C10orf90: variants seen among roughly 807,000 people sequenced by gnomAD.
The protein encoded by C10orf90 is chromosome 10 open reading frame 90.
C10orf90 carries 56 observed loss-of-function variants against 62.5 expected under a neutral mutation model. The ratio of observed to expected loss-of-function variants is 0.90; its 90% CI spans 0.72 to 1.12. The LOEUF (loss-of-function observed/expected upper bound fraction) is 1.12, where lower values mean the gene tolerates loss of function less well. C10orf90 is among the 50% of genes most tolerant of loss of function. The pLI is 0.00. For synonymous variants in C10orf90, 386 were observed against 340.4 expected, an observed-to-expected ratio of 1.13 and a Z score of -1.47; for missense variants, 970 against 880.4, an observed-to-expected ratio of 1.10 and a Z score of -1.29.
At chr10:126,602,770 T>G (rs898593523) in intron 2 of C10orf90, among the ~76,000 whole-genome samples, 1 of 151,976 alleles carries the variant, frequency 6.6e-6, no homozygotes, top group Non-Finnish European at 1.5e-5. Context: ...TTTTTTTTTT[T>G]TTTTGGTCTT....
chr10:126,492,407 G>A (rs751084302), intron 4 of C10orf90, among the ~76,000 whole-genome samples: 1 of 152,282 alleles, frequency 6.6e-6, no homozygotes, highest in East Asian at 1.9e-4. Context: ...GATGTACTGT[G>A]GTTATGTAAG....
intron 2 of C10orf90, among the ~76,000 whole-genome samples, chr10:126,547,711 T>A (rs1456052911): frequency 6.6e-6 from 1 of 151,950 alleles, no homozygotes; most frequent in East Asian, 1.9e-4. Context: ...ATGAAAATAT[T>A]AGAATTTTAA....
At chr10:126,485,617 C>T (rs992963407) in intron 4 of C10orf90, among the ~76,000 whole-genome samples, 2 of 151,948 alleles carry the variant, frequency 1.3e-5, no homozygotes, top group Non-Finnish European at 2.9e-5. Context: ...CTAGATATCA[C>T]AAAAATTCTT....
chr10:126,637,290 T>C (rs894142563), intron 2 of C10orf90, among the ~76,000 whole-genome samples: 2 of 152,170 alleles, frequency 1.3e-5, no homozygotes, highest in African/African-American at 4.8e-5. Flanking sequence ...CAAAGTCCTA[T>C]TGATGTCTGC....
intron 2 of C10orf90, among the ~76,000 whole-genome samples, chr10:126,574,937 C>T (rs2134007997): frequency 6.6e-6 from 1 of 152,180 alleles, no homozygotes; most frequent in African/African-American, 2.4e-5. Flanking sequence ...AGCTTTCCCT[C>T]TGAGCTTCAG....
Position 126,528,585 on chromosome 10 carries a change from A to T in C10orf90, c.314-14646T>A, listed in dbSNP as rs570102012. On this transcript the variant is annotated intron_variant, in intron 2 of 9. Coordinates refer to ENST00000488181, the MANE Select transcript of C10orf90 (RefSeq NM_001350921.2). ...TCTATTTAGAGGTCAGCAATTCTGC[A>T]GTGGCAATACCCAGCTGGACCGTGA... Among the ~76,000 whole-genome samples, 57 of 152,356 alleles carry T rather than the reference A, an allele frequency of 3.7e-4. 1 individual carries two copies. The highest frequency in any genetic ancestry group is 1.1e-3 in the African/African-American group (46 of 41,584).
chr10:126,524,269 G>A (rs967929043), intron 2 of C10orf90, among the ~76,000 whole-genome samples: 2 of 152,172 alleles, frequency 1.3e-5, no homozygotes, highest in Admixed American at 1.3e-4. Context: ...TGCAGAGGGA[G>A]GAGGATATAA....
chr10:126,505,132 A>G, intron 3 of C10orf90, 47 bp from the exon 4 acceptor site: 5 of 1,547,818 alleles, frequency 3.2e-6, no homozygotes, highest in Non-Finnish European at 4.3e-6. Flanking sequence ...CTATTGAAAT[A>G]TAGACAGTAA....
rs148312578 is a variant in C10orf90 at position 126,504,583 on chromosome 10, C to T, written c.908G>A (p.Arg303Gln). ...AGTGTGGGCCTCGGGAACCTTCAGC[C>T]GCACCACGGAGCTGTTTCTGGAGAA... ...TEFSRNSSVVRLKVPEAHTGL... is the reference protein window; with the variant it reads ...TEFSRNSSVVQLKVPEAHTGL... Residue 303 changes from arginine to glutamine, a missense_variant, in exon 4 of 10, where the codon CGG (arginine) becomes CAG (glutamine). By Grantham distance (43) the Arg-to-Gln change is conservative (BLOSUM62 1). Transcript: ENST00000488181. This position sits in a 1 kb window ranked among gnomAD's most constrained non-coding sequence, Gnocchi z 4.1. 16 of 1,614,008 alleles carry T rather than the reference C, an allele frequency of 9.9e-6. No individual in the cohort carries two copies. The African/African-American group carries it at 1.3e-4, about 13-fold the overall frequency.
intron 2 of C10orf90, among the ~76,000 whole-genome samples, chr10:126,577,160 C>G (rs1257448916): frequency 6.6e-6 from 1 of 151,698 alleles, no homozygotes; most frequent in Non-Finnish European, 1.5e-5. Context: ...ACTCCCAGTA[C>G]AAAGAAATGA....
Position 126,573,473 on chromosome 10 carries a change from TCTC to T in C10orf90, c.314-59537_314-59535del, listed in dbSNP as rs1844549751. ...GGGCATAAGACAATATGAAGGGTTG[TCTC>T]CTCCTTTAACTTTACAGACTCGCCA... On this transcript the variant is annotated intron_variant, in intron 2 of 9. Coordinates refer to ENST00000488181, the MANE Select transcript of C10orf90 (RefSeq NM_001350921.2). Among the ~76,000 whole-genome samples, 4 of 152,288 alleles carry T rather than the reference TCTC, an allele frequency of 2.6e-5. No homozygotes were observed. The South Asian group carries it at 6.2e-4, about 24-fold the overall frequency.
intron 4 of C10orf90, chr10:126,496,569 A>T: frequency 1.9e-5 from 14 of 727,508 alleles, no homozygotes; most frequent in Non-Finnish European, 2.4e-5. Context: ...AAAGGGAAAC[A>T]ATATTTTGAG....
intron 2 of C10orf90, among the ~76,000 whole-genome samples, chr10:126,632,572 C>T (rs1030892503): frequency 9.9e-5 from 15 of 151,992 alleles, no homozygotes; most frequent in African/African-American, 2.9e-4. Flanking sequence ...CAGTGAATTG[C>T]TGGGTGTGGA....
chr10:126,610,518 C>G (rs758685633), intron 2 of C10orf90, among the ~76,000 whole-genome samples: 1 of 152,208 alleles, frequency 6.6e-6, no homozygotes, highest in Non-Finnish European at 1.5e-5. Flanking sequence ...TACCATAGAT[C>G]CAATGCCTCA....
At chr10:126,492,357 A>G (rs1414002611) in intron 4 of C10orf90, among the ~76,000 whole-genome samples, 2 of 152,184 alleles carry the variant, frequency 1.3e-5, no homozygotes, top group Non-Finnish European at 2.9e-5. Context: ...CCAGCCCACA[A>G]TGTGAATAGC....
chr10:126,566,143 A>T (rs764518368), intron 2 of C10orf90, among the ~76,000 whole-genome samples: 1 of 152,184 alleles, frequency 6.6e-6, no homozygotes, highest in African/African-American at 2.4e-5. Flanking sequence ...ATAACCTTGG[A>T]TAAATTATTT....
chr10:126,638,122 G>A (rs1432997577), intron 2 of C10orf90, among the ~76,000 whole-genome samples: 3 of 152,148 alleles, frequency 2.0e-5, no homozygotes, highest in South Asian at 2.1e-4. Flanking sequence ...GAGCGATGGC[G>A]GGCTCTAGGT....
At chr10:126,550,942 T>C (rs1864617405) in intron 2 of C10orf90, among the ~76,000 whole-genome samples, 1 of 152,228 alleles carries the variant, frequency 6.6e-6, no homozygotes. Context: ...TTCTGTGTTT[T>C]CTCCCTCTGA....
At chr10:126,544,732 A>C (rs1369096862) in intron 2 of C10orf90, among the ~76,000 whole-genome samples, 1 of 152,182 alleles carries the variant, frequency 6.6e-6, no homozygotes, top group Admixed American at 6.5e-5. Flanking sequence ...AGGTGAGTGA[A>C]TAATCGCATA....
Sources: gnomAD v4.1 joint callset for allele counts (sites outside exome capture counted in the v4.1 genomes callset) on GRCh38, gnomAD v4.1.1 for gene constraint, Gnocchi (gnomAD v3.1) non-coding constraint, MANE v1.5 for transcripts, NCBI Gene and HGNC (gene_info 2026-07-23, HGNC 2026-07-21) for gene names.